PKNOX2: variants seen among roughly 807,000 people sequenced by gnomAD.
PKNOX2 encodes homeobox protein PKNOX2.
A neutral mutation model predicts 53.1 loss-of-function variants in PKNOX2; 14 were observed. That is an observed-to-expected ratio of 0.26 (90% CI 0.17 to 0.41). PKNOX2 has a LOEUF of 0.41. PKNOX2 is among the 10% of genes least tolerant of loss of function. The pLI, the probability that PKNOX2 is intolerant of heterozygous loss-of-function variation, is 1.00. For missense variants in PKNOX2, 496 were observed against 602.8 expected, an observed-to-expected ratio of 0.82 and a Z score of 1.85; for synonymous variants, 257 against 242.8, an observed-to-expected ratio of 1.06 and a Z score of -0.54.
At chr11:125,332,425 T>C (rs1950196142) in intron 3 of PKNOX2, among the ~76,000 whole-genome samples, 1 of 152,210 alleles carries the variant, frequency 6.6e-6, no homozygotes, top group Non-Finnish European at 1.5e-5. Flanking sequence ...TCCAGGTGTT[T>C]CTGATGAACT....
chr11:125,286,314 A>T (rs1946895968), intron 2 of PKNOX2, among the ~76,000 whole-genome samples: 1 of 152,242 alleles, frequency 6.6e-6, no homozygotes, highest in Non-Finnish European at 1.5e-5. Context: ...AGGTTTAATA[A>T]CTCAAATCAT....
chr11:125,286,875 G>A (rs1019935927), intron 2 of PKNOX2, among the ~76,000 whole-genome samples: 2 of 152,210 alleles, frequency 1.3e-5, no homozygotes, highest in African/African-American at 2.4e-5. Context: ...GAAGAACAGC[G>A]TATGTTGTGA....
At chr11:125,169,384 G>T (rs1448081487) in intron 1 of PKNOX2, among the ~76,000 whole-genome samples, 1 of 152,206 alleles carries the variant, frequency 6.6e-6, no homozygotes, top group Non-Finnish European at 1.5e-5. Flanking sequence ...TATCCAGGCA[G>T]CATGGCCAGG....
At chr11:125,430,349 A>T (rs894885813) in intron 12 of PKNOX2, among the ~76,000 whole-genome samples, 4 of 152,208 alleles carry the variant, frequency 2.6e-5, no homozygotes, top group African/African-American at 9.7e-5. Context: ...TCATAAAGAA[A>T]AGCGGGAGTT....
chr11:125,368,638 T>C (rs1177535434), intron 5 of PKNOX2, among the ~76,000 whole-genome samples: 1 of 152,128 alleles, frequency 6.6e-6, no homozygotes, highest in Non-Finnish European at 1.5e-5. Context: ...AGAAGGGGAG[T>C]TTGCTGAGGG....
chr11:125,265,036 C>G (rs574085901), intron 2 of PKNOX2, among the ~76,000 whole-genome samples: 1 of 152,124 alleles, frequency 6.6e-6, no homozygotes, highest in Non-Finnish European at 1.5e-5. Context: ...AGCCTGTAAT[C>G]CCAGCACTCT....
intron 2 of PKNOX2, among the ~76,000 whole-genome samples, chr11:125,261,314 T>C (rs543654963): frequency 4.5e-4 from 68 of 152,302 alleles, no homozygotes; most frequent in African/African-American, 1.5e-3. Flanking sequence ...GAGTTCACCA[T>C]TGGGATGGTT....
At chr11:125,183,195 A>G (rs1256014168) in intron 1 of PKNOX2, among the ~76,000 whole-genome samples, 1 of 86,228 alleles carries the variant, frequency 1.2e-5, no homozygotes, top group Non-Finnish European at 2.5e-5. Context: ...CATGCGATGA[A>G]TCCTTTTTTT....
intron 3 of PKNOX2, among the ~76,000 whole-genome samples, chr11:125,341,049 CAAAAAA>C (rs58556639): frequency 6.5e-5 from 3 of 46,074 alleles, no homozygotes; most frequent in East Asian, 6.3e-4. Context: ...GACTCCATCT[CAAAAAA>C]AAAAAAAAAA....
chr11:125,334,228 A>T (rs1314936026), intron 3 of PKNOX2, among the ~76,000 whole-genome samples: 1 of 152,086 alleles, frequency 6.6e-6, no homozygotes, highest in Non-Finnish European at 1.5e-5. Context: ...TACTGTAGGA[A>T]CTCTGCTAGG....
Position 125,200,990 on chromosome 11 carries a change from G to C in PKNOX2, c.-200-34055G>C, listed in dbSNP as rs140111594. On this transcript the variant is annotated intron_variant, in intron 1 of 12. Coordinates refer to ENST00000298282, the MANE Select transcript of PKNOX2 (RefSeq NM_001382323.2). Reference sequence around the variant, plus strand: ...TAAAGCTTTGGTGAATGAATCGTGAGTCTCTGAAGTAGAGAACTTGATGGG... The same window carrying C: ...TAAAGCTTTGGTGAATGAATCGTGACTCTCTGAAGTAGAGAACTTGATGGG... 3.7e-3 allele frequency among the ~76,000 whole-genome samples: 571 copies of C among 152,340 alleles called. 3 individuals carry two copies. Among genetic ancestry groups the C allele is most frequent in the African/African-American group, 0.013 (553 of 41,578 alleles).
chr11:125,407,710 G>A (rs1955193102), intron 7 of PKNOX2, among the ~76,000 whole-genome samples: 1 of 151,584 alleles, frequency 6.6e-6, no homozygotes. Flanking sequence ...GACAAGCCTG[G>A]GCAACAGAGC....
In PKNOX2 at chr11:125,372,098, A is replaced by G. The variant is rs535583269; in HGVS notation, c.227+4113A>G. On this transcript the variant is annotated intron_variant, in intron 5 of 12. Coordinates refer to ENST00000298282, the MANE Select transcript of PKNOX2 (RefSeq NM_001382323.2). Reference sequence around the variant, plus strand: ...CTTAGACGAAGTAGCTACTGCATCAAAGCTTGTTGGACGGCTTCATTAAAT... The same window carrying G: ...CTTAGACGAAGTAGCTACTGCATCAGAGCTTGTTGGACGGCTTCATTAAAT... Among the ~76,000 whole-genome samples the G allele has an allele frequency of 1.2e-3, 177 of 152,328 alleles. 1 individual carries two copies. Among genetic ancestry groups the G allele is most frequent in the African/African-American group, 4.1e-3 (170 of 41,566 alleles).
intron 1 of PKNOX2, among the ~76,000 whole-genome samples, chr11:125,167,921 C>T (rs1955013936): frequency 6.6e-6 from 1 of 152,178 alleles, no homozygotes; most frequent in African/African-American, 2.4e-5. Context: ...GACGAGTTTG[C>T]TTCTTTTCCA....
chr11:125,389,705 G>A (rs1953910108), intron 6 of PKNOX2, among the ~76,000 whole-genome samples: 1 of 152,204 alleles, frequency 6.6e-6, no homozygotes, highest in Admixed American at 6.5e-5. Context: ...TGATTTACGG[G>A]CCCCCGGTGC....
intron 1 of PKNOX2, among the ~76,000 whole-genome samples, chr11:125,168,008 C>G (rs567693555): frequency 6.6e-6 from 1 of 152,306 alleles, no homozygotes; most frequent in African/African-American, 2.4e-5. Flanking sequence ...CTTGGTGCCT[C>G]CCCAGCAGCC....
intron 2 of PKNOX2, among the ~76,000 whole-genome samples, chr11:125,248,984 TG>T (rs1431251566): frequency 2.1e-5 from 3 of 144,046 alleles, no homozygotes; most frequent in Non-Finnish European, 4.5e-5. Flanking sequence ...ATATAATATA[TG>T]TATATATAAC....
intron 2 of PKNOX2, among the ~76,000 whole-genome samples, chr11:125,248,905 C>T (rs112607991): frequency 0.033 from 3,521 of 105,310 alleles, 170 homozygotes; most frequent in African/African-American, 0.1. Flanking sequence ...ATATATATAA[C>T]GTATATATAT....
intron 2 of PKNOX2, among the ~76,000 whole-genome samples, chr11:125,316,100 G>A (rs149202912): frequency 0.025 from 3,847 of 152,246 alleles, 67 homozygotes; most frequent in Non-Finnish European, 0.03. Flanking sequence ...GCTCCTTTGC[G>A]TTCTCATGGA....
Sources: allele counts gnomAD v4.1 joint callset (sites outside exome capture counted in the v4.1 genomes callset), GRCh38; gene constraint gnomAD v4.1.1; transcripts MANE v1.5; gene names NCBI Gene and HGNC (gene_info 2026-07-23, HGNC 2026-07-21).